The following DMD variants were observed in gnomAD, a reference collection of about 807,000 sequenced individuals.
DMD encodes the protein dystrophin, also known as mutant dystrophin.
In DMD, 63 loss-of-function variants were observed where a neutral mutation model predicts 330.1. The ratio of observed to expected loss-of-function variants is 0.19; its 90% CI spans 0.16 to 0.24. The LOEUF (loss-of-function observed/expected upper bound fraction) is 0.24. Among genes scored for constraint, DMD ranks in the 10% least tolerant of loss-of-function variants. DMD has a pLI of 1.00. For synonymous variants in DMD, 1,223 were observed against 959.8 expected (o/e 1.27, Z -5.07); for missense variants, 3,344 against 2,684.1 (o/e 1.25, Z -5.43).
intron 52 of DMD, among the ~76,000 whole-genome samples, chrX:31,721,261 C>T (rs1407506113): frequency 9.0e-6 from 1 of 111,274 alleles, no homozygotes. Context: ...CTTGGCTGGG[C>T]TATGGTTCCC....
intron 60 of DMD, among the ~76,000 whole-genome samples, chrX:31,376,967 T>C (rs1682502502): frequency 8.9e-6 from 1 of 112,380 alleles, no homozygotes; most frequent in Non-Finnish European, 1.9e-5. Flanking sequence ...TTACCACCTC[T>C]GATGCCAGTG....
rs147836731 is a variant in DMD at position 32,528,499 on chromosome X, G to A, written c.2169-10368C>T. Among the ~76,000 whole-genome samples, 620 of 111,408 alleles carry A rather than the reference G, an allele frequency of 5.6e-3. 2 individuals carry two copies. Among genetic ancestry groups the A allele is most frequent in the African/African-American group, 0.019 (583 of 30,618 alleles). On this transcript the variant is annotated intron_variant, in intron 17 of 78. Coordinates refer to ENST00000357033, the MANE Select transcript of DMD (RefSeq NM_004006.3). Reference sequence around the variant, plus strand: ...ACTGGTCCTGAAGTAAAAACATACTGTAAACCAAAAATAAAAGGCTAACTC... The same window carrying A: ...ACTGGTCCTGAAGTAAAAACATACTATAAACCAAAAATAAAAGGCTAACTC...
intron 7 of DMD, among the ~76,000 whole-genome samples, chrX:32,726,365 C>A (rs1367811197): frequency 1.8e-5 from 2 of 111,210 alleles, no homozygotes; most frequent in Middle Eastern, 4.2e-3. Context: ...ACACCCTATC[C>A]AAAAAGTGAT....
intron 2 of DMD, among the ~76,000 whole-genome samples, chrX:32,999,807 A>AAAAAAC (rs1569548098): frequency 6.2e-4 from 55 of 88,543 alleles, no homozygotes; most frequent in African/African-American, 1.8e-3. Flanking sequence ...AACAAAAAAC[A>AAAAAAC]AAAAAAAAAC....
intron 1 of DMD, among the ~76,000 whole-genome samples, chrX:33,236,269 T>C (rs2052480519): frequency 9.6e-6 from 1 of 103,780 alleles, no homozygotes; most frequent in African/African-American, 3.5e-5. Context: ...TTCCTTTTTT[T>C]TTTTCTTTTT....
At chrX:32,470,265 T>G (rs915344088) in intron 22 of DMD, among the ~76,000 whole-genome samples, 16 of 111,603 alleles carry the variant, frequency 1.4e-4, no homozygotes, top group African/African-American at 5.2e-4. Flanking sequence ...GTATCATATT[T>G]CTTTAAAATT....
intron 44 of DMD, among the ~76,000 whole-genome samples, chrX:32,169,030 G>A (rs894217129): frequency 2.7e-5 from 3 of 111,771 alleles, no homozygotes; most frequent in East Asian, 5.6e-4. Flanking sequence ...ATTGTCCCAG[G>A]TGGATTTATT....
intron 55 of DMD, among the ~76,000 whole-genome samples, chrX:31,518,892 G>T (rs2072496536): frequency 9.0e-6 from 1 of 111,216 alleles, no homozygotes; most frequent in African/African-American, 3.3e-5. Context: ...TTCCCTCCAA[G>T]CTCCAGTGTC....
intron 47 of DMD, among the ~76,000 whole-genome samples, chrX:31,899,626 T>A (rs2094395677): frequency 9.0e-6 from 1 of 111,534 alleles, no homozygotes; most frequent in Admixed American, 9.6e-5. Flanking sequence ...CTGCAAAATT[T>A]TTTTTATTAA....
At chrX:31,848,640 T>C (rs1189307514) in intron 48 of DMD, among the ~76,000 whole-genome samples, 1 of 111,247 alleles carries the variant, frequency 9.0e-6, no homozygotes, top group African/African-American at 3.3e-5. Flanking sequence ...GTATTGATAG[T>C]TCACTACAAT....
chrX:32,520,240 T>C (rs1395178368), intron 17 of DMD, among the ~76,000 whole-genome samples: 1 of 112,112 alleles, frequency 8.9e-6, no homozygotes, highest in Non-Finnish European at 1.9e-5. Flanking sequence ...GATTAAAATA[T>C]ACAGTACAAT....
intron 1 of DMD, among the ~76,000 whole-genome samples, chrX:33,250,718 A>G (rs1005596347): frequency 9.0e-6 from 1 of 111,582 alleles, no homozygotes; most frequent in Non-Finnish European, 1.9e-5. Context: ...TTTGTTAAAC[A>G]GGTGGAGAAT....
intron 44 of DMD, among the ~76,000 whole-genome samples, chrX:32,190,620 C>T (rs2096971038): frequency 1.1e-5 from 1 of 90,331 alleles, no homozygotes; most frequent in African/African-American, 4.3e-5. Flanking sequence ...TGCTTTTATC[C>T]ACAGTTATAA....
intron 51 of DMD, among the ~76,000 whole-genome samples, chrX:31,738,444 G>A (rs913746054): frequency 1.8e-5 from 2 of 112,125 alleles, no homozygotes; most frequent in Non-Finnish European, 3.8e-5. Context: ...ACAAGTATGT[G>A]AAGAAAAAGG....
chrX:32,867,030 G>A (rs1038871902), intron 2 of DMD, among the ~76,000 whole-genome samples: 2 of 111,314 alleles, frequency 1.8e-5, no homozygotes, highest in East Asian at 2.8e-4. Flanking sequence ...CACCGTACCC[G>A]GCCAACTTTC....
rs773709153 is a variant in DMD, at chrX:31,911,290, C to T, written c.6912+18306G>A. ...AAAGTATTTCATTTTATTTATAGCT[C>T]TGTAGGAAAATTACTAAAAAAATTA... is the stretch of plus-strand genomic sequence containing the variant. On this transcript the variant is annotated intron_variant, in intron 47 of 78. Transcript: ENST00000357033. 2.7e-5 allele frequency among the ~76,000 whole-genome samples: 3 copies of T among 111,892 alleles called. No homozygotes were observed. In the South Asian group the frequency reaches 1.1e-3, roughly 42 times the overall value.
intron 63 of DMD, among the ~76,000 whole-genome samples, chrX:31,234,284 C>G (rs966781763): frequency 1.8e-5 from 2 of 112,662 alleles, no homozygotes; most frequent in Non-Finnish European, 3.7e-5. Context: ...GGAGTCCCTC[C>G]AATAAGTAGC....
chrX:31,726,554 C>T (rs2086070309), intron 52 of DMD, among the ~76,000 whole-genome samples: 1 of 112,023 alleles, frequency 8.9e-6, no homozygotes, highest in African/African-American at 3.2e-5. Flanking sequence ...TATTTCTGTC[C>T]TTTTCCTGAA....
rs760244852 is a variant in DMD at position 32,678,499 on chromosome X, C to CGTGTGTGT, written c.960+19363_960+19370dup. Among the ~76,000 whole-genome samples the CGTGTGTGT allele has an allele frequency of 8.8e-3, 935 of 106,072 alleles. 16 individuals are homozygous for CGTGTGTGT. Among genetic ancestry groups the CGTGTGTGT allele is most frequent in the African/African-American group, 0.03 (880 of 29,244 alleles). 92.1% of individuals were successfully genotyped at this position (106,072 alleles called of 115,157 possible). The stretch of plus-strand genomic sequence containing the variant: ...TGATTAGCAACTGTGTTTGCGTGTC[C>CGTGTGTGT]GTGTGTGTGTGTGTGTGTGTGTTGT... On this transcript the variant is annotated intron_variant, in intron 9 of 78. Coordinates refer to ENST00000357033, the MANE Select transcript of DMD (RefSeq NM_004006.3).
Sources: allele counts gnomAD v4.1 joint callset (sites outside exome capture counted in the v4.1 genomes callset), GRCh38; gene constraint gnomAD v4.1.1; transcripts MANE v1.5; gene names NCBI Gene and HGNC (gene_info 2026-07-23, HGNC 2026-07-21).